Variants in SPTBN4 observed in about 807,000 individuals in gnomAD.
SPTBN4 encodes spectrin beta, non-erythrocytic 4.
Under a neutral mutation model 277.8 loss-of-function variants are expected in SPTBN4, and 96 were observed. That is an observed-to-expected ratio of 0.35 (90% CI 0.29 to 0.41). SPTBN4 has a LOEUF of 0.41. Ranked by LOEUF, SPTBN4 falls within the 10% of genes least tolerant of loss-of-function variation. The pLI is 1.00. For synonymous variants in SPTBN4, 1,481 were observed against 1,580.3 expected, an observed-to-expected ratio of 0.94 and a Z score of 1.49; for missense variants, 3,006 against 3,595.7, an observed-to-expected ratio of 0.84 and a Z score of 4.19.
At position 40,567,652 on chromosome 19, in the gene SPTBN4, T is replaced by G. The variant is rs2081108278; in HGVS notation, c.6337-11T>G. On this transcript the variant is annotated splice_polypyrimidine_tract_variant and intron_variant, in intron 30 of 35. Coordinates refer to ENST00000598249, the MANE Select transcript of SPTBN4 (RefSeq NM_020971.3). The stretch of plus-strand genomic sequence containing the variant: ...ACGCCTCCAACCTAACCCTGGTCCC[T>G]CCATCCTCAGATCGAGAAAATCAAA... 2 of 1,269,748 alleles carry G rather than the reference T, an allele frequency of 1.6e-6. No individual in the cohort carries two copies. The highest frequency in any genetic ancestry group is 1.7e-5 in the African/African-American group (1 of 59,566). 78.7% of individuals were successfully genotyped at this position (1,269,748 alleles called of 1,614,324 possible).
In SPTBN4 at chr19:40,515,350, C is replaced by T; in HGVS notation, c.2805C>T (p.Gly935=). The T allele has an allele frequency of 6.2e-7, 1 of 1,611,504 alleles. No individual in the cohort carries two copies. Among genetic ancestry groups the T allele is most frequent in the Non-Finnish European group, 8.5e-7 (1 of 1,179,052 alleles). The change falls in exon 15 of 36, where the codon GGC becomes GGT. Residue 935 remains glycine, a synonymous_variant. Transcript: ENST00000598249. This position sits in a 1 kb window ranked among gnomAD's most constrained non-coding sequence, Gnocchi z 4.1. ...ACCAAGAGATGAACAGCCTGATGGG[C>T]CGCGTTCTGGACGTGAACCACACAG... ...SLDQEMNSLM[G]RVLDVNHTVQ...
chr19:40,543,098 C>T (rs565595924), intron 20 of SPTBN4, among the ~76,000 whole-genome samples: 108 of 152,242 alleles, frequency 7.1e-4, no homozygotes, highest in African/African-American at 2.1e-3. Context: ...CTCCTCCCAA[C>T]TTAGGAAGCC....
At chr19:40,573,971 G>A (rs1019824668) in intron 35 of SPTBN4, among the ~76,000 whole-genome samples, 14 of 151,902 alleles carry the variant, frequency 9.2e-5, no homozygotes, top group African/African-American at 2.4e-4. Context: ...GCATGGTGGC[G>A]GGCGCCTGTA....
intron 2 of SPTBN4, 57 bp from the exon 3 acceptor site, chr19:40,487,640 C>A (rs917373410): frequency 2.5e-5 from 39 of 1,559,236 alleles, no homozygotes; most frequent in East Asian, 1.1e-4. Flanking sequence ...GCTTGGCTCG[C>A]GGAGGGCTGG....
chr19:40,494,633 T>A (rs1004973063), intron 5 of SPTBN4, among the ~76,000 whole-genome samples: 5 of 130,746 alleles, frequency 3.8e-5, no homozygotes, highest in African/African-American at 1.9e-4. Context: ...TCTATCAATC[T>A]ATCTATCACC....
At chr19:40,546,225 C>CA (rs557010488) in intron 20 of SPTBN4, among the ~76,000 whole-genome samples, 1,334 of 69,070 alleles carry the variant, frequency 0.019, 10 homozygotes, top group African/African-American at 0.035. Context: ...AACTCCATCT[C>CA]AAAAAAAAAA....
chr19:40,505,151 G>A (rs1282905218), intron 12 of SPTBN4, among the ~76,000 whole-genome samples: 1 of 149,362 alleles, frequency 6.7e-6, no homozygotes, highest in Non-Finnish European at 1.5e-5. Flanking sequence ...TTGGGAGGCC[G>A]AGGTAGGCAG....
intron 17 of SPTBN4, among the ~76,000 whole-genome samples, chr19:40,527,435 A>AT (rs776811466): frequency 1.3e-5 from 2 of 152,204 alleles, no homozygotes; most frequent in Non-Finnish European, 2.9e-5. Context: ...CATGGAAATG[A>AT]TATATCCTAG....
intron 1 of SPTBN4, among the ~76,000 whole-genome samples, chr19:40,472,387 G>A (rs2079895004): frequency 6.6e-6 from 1 of 151,508 alleles, no homozygotes; most frequent in Admixed American, 6.6e-5. Context: ...ATGTTGCCCA[G>A]GCTGGTCTCC....
At chr19:40,548,858 G>A (rs1892186870) in intron 20 of SPTBN4, among the ~76,000 whole-genome samples, 1 of 152,176 alleles carries the variant, frequency 6.6e-6, no homozygotes, top group South Asian at 2.1e-4. Flanking sequence ...AATCTTGAAG[G>A]TTGTTCTGGG....
At chr19:40,504,270 C>A (rs985537345) in intron 12 of SPTBN4, 138 bp downstream of exon 12, 17 of 884,046 alleles carry the variant, frequency 1.9e-5, no homozygotes, top group Admixed American at 8.8e-5. Flanking sequence ...GCCAGGGAGA[C>A]AAAAAGAGAG....
intron 20 of SPTBN4, among the ~76,000 whole-genome samples, chr19:40,542,266 G>A (rs964677496): frequency 2.6e-5 from 4 of 152,056 alleles, no homozygotes; most frequent in East Asian, 1.9e-4. Flanking sequence ...CCTCCTTCCC[G>A]TGTTCCTCAT....
intron 20 of SPTBN4, among the ~76,000 whole-genome samples, chr19:40,547,068 T>C (rs1029960107): frequency 7.9e-5 from 12 of 152,182 alleles, no homozygotes; most frequent in African/African-American, 2.9e-4. Context: ...CTAGGGTACA[T>C]GTGCACAATG....
At chr19:40,552,058 C>T (rs1407281955) in intron 22 of SPTBN4, among the ~76,000 whole-genome samples, 1 of 152,054 alleles carries the variant, frequency 6.6e-6, no homozygotes, top group East Asian at 1.9e-4. Flanking sequence ...TGGCTCATGC[C>T]TGTAATCCCA....
At position 40,556,300 on chromosome 19, in the gene SPTBN4, T is replaced by C; in HGVS notation, c.5289+12T>C. The stretch of plus-strand genomic sequence containing the variant: ...TTGAGCATGTCTCGGTGAGCATCAT[T>C]AGTAATAAGTGATACCAGGAGCTAC... On this transcript the variant is annotated intron_variant, in intron 25 of 35. Transcript: ENST00000598249. The C allele has an allele frequency of 6.2e-7, 1 of 1,606,134 alleles. No individual in the cohort carries two copies. Among genetic ancestry groups the C allele is most frequent in the Non-Finnish European group, 8.5e-7 (1 of 1,175,558 alleles).
chr19:40,491,931 A>G (rs2080141700), intron 4 of SPTBN4, among the ~76,000 whole-genome samples: 1 of 151,856 alleles, frequency 6.6e-6, no homozygotes, highest in Non-Finnish European at 1.5e-5. Flanking sequence ...CCAAGGCAGG[A>G]GAATCGCTTG....
chr19:40,562,011 C>T (rs2081047553), intron 27 of SPTBN4, among the ~76,000 whole-genome samples: 1 of 151,878 alleles, frequency 6.6e-6, no homozygotes, highest in South Asian at 2.1e-4. Flanking sequence ...CCCACAAGTG[C>T]AAGGGCCCAG....
chr19:40,555,520 AAAAG>A (rs1453243721), intron 24 of SPTBN4, among the ~76,000 whole-genome samples: 1 of 151,474 alleles, frequency 6.6e-6, no homozygotes, highest in Non-Finnish European at 1.5e-5. Flanking sequence ...AAAAGAAAAA[AAAAG>A]AAAGGAAACT....
chr19:40,483,031 C>T (rs2145816117), intron 2 of SPTBN4, among the ~76,000 whole-genome samples: 1 of 151,894 alleles, frequency 6.6e-6, no homozygotes, highest in East Asian at 1.9e-4. Context: ...CATAGACACA[C>T]ACACCCCTAC....
Sources: allele counts gnomAD v4.1 joint callset (sites outside exome capture counted in the v4.1 genomes callset), GRCh38; gene constraint gnomAD v4.1.1; non-coding constraint Gnocchi (gnomAD v3.1); transcripts MANE v1.5; gene names NCBI Gene and HGNC (gene_info 2026-07-23, HGNC 2026-07-21).